Variants in SLC6A8 observed in about 807,000 individuals in gnomAD.
The protein encoded by SLC6A8 is solute carrier family 6 member 8.
SLC6A8 carries 6 observed loss-of-function variants against 48.3 expected under a neutral mutation model. The ratio of observed to expected loss-of-function variants is 0.12; its 90% CI spans 0.07 to 0.25. The LOEUF is 0.25. Among genes scored for constraint, SLC6A8 ranks in the 10% least tolerant of loss-of-function variants. SLC6A8 has a pLI of 1.00. For missense variants in SLC6A8, 260 were observed against 551.5 expected, an observed-to-expected ratio of 0.47 and a Z score of 5.29; for synonymous variants, 245 against 244.0, an observed-to-expected ratio of 1.00 and a Z score of -0.04.
chrX:153,689,068 G>A (rs1557043933), intron 1 of SLC6A8: 1 of 123,259 alleles, frequency 8.1e-6, no homozygotes, highest in Non-Finnish European at 1.7e-5. Flanking sequence ...CGATGCCCGC[G>A]AGGCTGCCCC....
chrX:153,696,299 C>T lies in SLC6A8; in HGVS notation c.*1085C>T. The T allele has an allele frequency of 3.1e-6, 1 of 322,504 alleles. No individual in the cohort carries two copies. The highest frequency in any genetic ancestry group is 9.8e-5 in the East Asian group (1 of 10,197). 26.6% of individuals were successfully genotyped at this position (322,504 alleles called of 1,213,427 possible). Reference sequence around the variant, plus strand: ...GCTAACCTGGCCTGCTCAGGCTTCCCACCCTGTGCGGGGCACACCCCCAGG... The same window carrying T: ...GCTAACCTGGCCTGCTCAGGCTTCCTACCCTGTGCGGGGCACACCCCCAGG... On this transcript the variant is annotated 3_prime_UTR_variant, in exon 13 of 13. Coordinates refer to ENST00000253122, the MANE Select transcript of SLC6A8 (RefSeq NM_005629.4).
Position 153,692,841 on chromosome X carries a change from G to A in SLC6A8, c.778-200G>A, listed in dbSNP as rs1260785108. 6.3e-5 allele frequency: 33 copies of A among 520,783 alleles called. 1 individual carries two copies. Among genetic ancestry groups the A allele is most frequent in the East Asian group, 2.6e-4 (7 of 26,631 alleles). 42.9% of individuals were successfully genotyped at this position (520,783 alleles called of 1,213,427 possible). On this transcript the variant is annotated intron_variant, in intron 4 of 12. Coordinates refer to ENST00000253122, the MANE Select transcript of SLC6A8 (RefSeq NM_005629.4). ...ACGCGTCCCTGCAGACAAACGAGGC[G>A]CCCAGGGAGCTTCCCCACTGCACTT...
In SLC6A8 at chrX:153,694,526, G is replaced by C. The variant is rs781814962; in HGVS notation, c.1496-7G>C. 1 of 1,207,496 alleles carries C rather than the reference G, an allele frequency of 8.3e-7. No individual in the cohort carries two copies. The highest frequency in any genetic ancestry group is 2.3e-4 in the Middle Eastern group (1 of 4,320). The stretch of plus-strand genomic sequence containing the variant: ...CAGCTTGGCCCTCCCGCCTCACCTC[G>C]CCGCAGGAGCTGACCGCTTCATGGA... On this transcript the variant is annotated splice_polypyrimidine_tract_variant and splice_region_variant and intron_variant, in intron 10 of 12. Transcript: ENST00000253122.
intron 10 of SLC6A8, 26 bp downstream of exon 10, chrX:153,694,472 G>A: frequency 1.7e-6 from 2 of 1,193,258 alleles, no homozygotes; most frequent in Admixed American, 2.2e-5. Context: ...GGGCTGGGCT[G>A]GGGGATGGTG....
At chrX:153,690,899 C>CCCG (rs2091452337) in intron 2 of SLC6A8, 1 of 238,456 alleles carries the variant, frequency 4.2e-6, no homozygotes, top group African/African-American at 3.4e-5. Flanking sequence ...GAAACCCCCC[C>CCCG]CCCCCACCAC....
rs1353915101 is a variant in SLC6A8 at position 153,688,123 on chromosome X, G to T, written c.-452G>T. 1.0e-5 allele frequency: 1 copy of T among 97,555 alleles called. No individual in the cohort carries two copies. The highest frequency in any genetic ancestry group is 3.7e-5 in the African/African-American group (1 of 27,081). 8.0% of individuals were successfully genotyped at this position (97,555 alleles called of 1,213,427 possible). On this transcript the variant is annotated 5_prime_UTR_variant, in exon 1 of 13. Transcript: ENST00000253122. The stretch of plus-strand genomic sequence containing the variant: ...AGCCTCCGCGGGCCCCGGCCGGGGC[G>T]GGGGGCGCGGGCCACAGGCCCCTGC...
intron 4 of SLC6A8, 169 bp downstream of exon 4, chrX:153,692,276 C>G: frequency 1.8e-6 from 1 of 548,539 alleles, no homozygotes. Flanking sequence ...CAGGGCCCAG[C>G]AGCCTTTGCT....
rs1557046209 is a variant in SLC6A8, at chrX:153,696,418, G to A, written c.*1204G>A. 7 of 330,303 alleles carry A rather than the reference G, an allele frequency of 2.1e-5. No individual in the cohort carries two copies. In the Admixed American group the frequency reaches 2.2e-4, roughly 10 times the overall value. The allele number at this position is 330,303 out of a possible 1,213,427, so 27.2% of individuals were successfully genotyped here. ...TGTGTAGCAGCTTTAACCCACGTTTGTCTGTCACGTCCAGTCCCGAGACGG... is the reference window on the plus strand; with the variant it reads ...TGTGTAGCAGCTTTAACCCACGTTTATCTGTCACGTCCAGTCCCGAGACGG... On this transcript the variant is annotated 3_prime_UTR_variant, in exon 13 of 13. Transcript: ENST00000253122.
In SLC6A8 at chrX:153,694,733, C is replaced by T. The variant is rs2091478979; in HGVS notation, c.1611C>T (p.Phe537=). ...TPLVCMGIFI[F]NVVYYEPLVY... ...CTGGTCCGTAGGGCATCTTCATCTT[C>T]AACGTTGTGTACTACGAGCCGCTGG... The change falls in exon 12 of 13, where the codon TTC becomes TTT. Residue 537 remains phenylalanine, a synonymous_variant. Transcript: ENST00000253122. 1.7e-6 allele frequency: 2 copies of T among 1,211,131 alleles called. No homozygotes were observed. The highest frequency in any genetic ancestry group is 1.8e-5 in the South Asian group (1 of 57,006).
In SLC6A8 at chrX:153,696,498, G is replaced by T. The variant is rs1463499614; in HGVS notation, c.*1284G>T. On this transcript the variant is annotated 3_prime_UTR_variant, in exon 13 of 13. Transcript: ENST00000253122. ...CACCCAGACAGAGGCTGCAGGGCTG[G>T]GGCTGGGTGAGGGTGGCGGGCCTGC... 1 of 329,929 alleles carries T rather than the reference G, an allele frequency of 3.0e-6. No individual in the cohort carries two copies. The highest frequency in any genetic ancestry group is 5.9e-6 in the Non-Finnish European group (1 of 169,520). The allele number at this position is 329,929 out of a possible 1,213,427, so 27.2% of individuals were successfully genotyped here. A position where few individuals can be genotyped will look rare whatever the true frequency, so the allele number is the denominator to read the frequency against.
rs782174461 is a variant in SLC6A8 at position 153,691,372 on chromosome X, G to A, written c.463G>A (p.Gly155Ser). 3.3e-6 allele frequency: 4 copies of A among 1,209,245 alleles called. No individual in the cohort carries two copies. Among genetic ancestry groups the A allele is most frequent in the Non-Finnish European group, 4.5e-6 (4 of 893,382 alleles). The change falls in exon 3 of 13, where the codon GGC becomes AGC. Residue 155 changes from glycine to serine, a missense_variant. Physicochemically the swap from Gly to Ser is moderately conservative, Grantham distance 56. Coordinates refer to ENST00000253122, the MANE Select transcript of SLC6A8 (RefSeq NM_005629.4). ...NTYYIMVLAW[G>S]FYYLVKSFTT... is the part of the protein sequence containing the mutation. Reference sequence around the variant, plus strand: ...CTACTACATCATGGTGCTGGCCTGGGGCTTCTATTACCTGGTCAAGTCCTT... The same window carrying A: ...CTACTACATCATGGTGCTGGCCTGGAGCTTCTATTACCTGGTCAAGTCCTT...
Position 153,691,494 on chromosome X carries a change from G to A in SLC6A8, c.585G>A (p.Leu195=), listed in dbSNP as rs1557044450. 1 of 1,211,867 alleles carries A rather than the reference G, an allele frequency of 8.3e-7. No homozygotes were observed. Among genetic ancestry groups the A allele is most frequent in the Admixed American group, 2.2e-5 (1 of 46,155 alleles). The change falls in exon 3 of 13, where the codon CTG becomes CTA. Residue 195 remains leucine (L), a synonymous_variant. Coordinates refer to ENST00000253122, the MANE Select transcript of SLC6A8 (RefSeq NM_005629.4). Reference sequence around the variant, plus strand: ...ATGAAGACTGTGCCAATGCCAGCCTGGCCAACCTCACCTGTGACCAGCTTG... The same window carrying A: ...ATGAAGACTGTGCCAATGCCAGCCTAGCCAACCTCACCTGTGACCAGCTTG... ...FRHEDCANAS[L]ANLTCDQLAD... is the part of the protein sequence containing the mutation.
At position 153,696,517 on chromosome X, in the gene SLC6A8, G is replaced by A. The variant is rs1266844072; in HGVS notation, c.*1303G>A. 1 of 327,348 alleles carries A rather than the reference G, an allele frequency of 3.1e-6. No homozygotes were observed. The highest frequency in any genetic ancestry group is 5.9e-6 in the Non-Finnish European group (1 of 168,365). The allele number at this position is 327,348 out of a possible 1,213,427, so 27.0% of individuals were successfully genotyped here. A position where few individuals can be genotyped will look rare whatever the true frequency, so the allele number is the denominator to read the frequency against. ...GGGCTGGGGCTGGGTGAGGGTGGCG[G>A]GCCTGCGGGGACATTCTACTGTGCT... is the stretch of plus-strand genomic sequence containing the variant. On this transcript the variant is annotated 3_prime_UTR_variant, in exon 13 of 13. Transcript: ENST00000253122.
chrX:153,696,376 C>G lies in SLC6A8; in HGVS notation c.*1162C>G, dbSNP rs1557046197. On this transcript the variant is annotated 3_prime_UTR_variant, in exon 13 of 13. Coordinates refer to ENST00000253122, the MANE Select transcript of SLC6A8 (RefSeq NM_005629.4). ...TCCAGGCTTAAGGTGGATGCACTTC[C>G]CGCACCTCCAGTCTTCTGTGTAGCA... The G allele has an allele frequency of 3.0e-6, 1 of 330,105 alleles. No homozygotes were observed. The highest frequency in any genetic ancestry group is 3.1e-5 in the Admixed American group (1 of 32,166). The allele number at this position is 330,105 out of a possible 1,213,427, so 27.2% of individuals were successfully genotyped here. A position where few individuals can be genotyped will look rare whatever the true frequency, so the allele number is the denominator to read the frequency against.
In SLC6A8 at chrX:153,693,280, G is replaced by T. The variant is rs2148362930; in HGVS notation, c.930G>T (p.Gly310=). The T allele has an allele frequency of 8.3e-7, 1 of 1,211,404 alleles. No homozygotes were observed. Among genetic ancestry groups the T allele is most frequent in the Non-Finnish European group, 1.1e-6 (1 of 895,135 alleles). The change falls in exon 6 of 13, where the codon GGG becomes GGT. Residue 310 remains glycine (G), a synonymous_variant. Transcript: ENST00000253122. The part of the protein sequence containing the change: ...LGSPQVWIDA[G]TQIFFSYAIG... ...TTCTCTAGGTGTGGATAGATGCGGG[G>T]ACCCAGATTTTCTTTTCTTACGCCA...
chrX:153,693,481 C>G lies in SLC6A8; in HGVS notation c.1036C>G (p.Leu346Val), dbSNP rs1406686625. 1 of 1,211,264 alleles carries G rather than the reference C, an allele frequency of 8.3e-7. No homozygotes were observed. The highest frequency in any genetic ancestry group is 2.2e-5 in the Admixed American group (1 of 46,051). The change falls in exon 7 of 13, where the codon CTC becomes GTC. Residue 346 changes from leucine (L) to valine (V), a missense_variant. Physicochemically the swap from Leu to Val is conservative, Grantham distance 32. Coordinates refer to ENST00000253122, the MANE Select transcript of SLC6A8 (RefSeq NM_005629.4). The stretch of plus-strand genomic sequence containing the variant: ...CCTCAGGGACGCCATCATCCTGGCT[C>G]TCATCAACAGTGGGACCAGCTTCTT... ...NCYKDAIILALINSGTSFFAG... is the reference protein window; with the variant it reads ...NCYKDAIILAVINSGTSFFAG...
chrX:153,691,687 G>A lies in SLC6A8; in HGVS notation c.644+134G>A, dbSNP rs139885776. The A allele has an allele frequency of 5.2e-3, 4,515 of 860,644 alleles. 9 individuals are homozygous for A. Among genetic ancestry groups the A allele is most frequent in the Middle Eastern group, 0.019 (48 of 2,468 alleles). 70.9% of individuals were successfully genotyped at this position (860,644 alleles called of 1,213,427 possible). The stretch of plus-strand genomic sequence containing the variant: ...TCCATCCTGGACCCTGCCTGCCCTT[G>A]CCTGTCCTCGGAGAGTCCTGGGGCC... On this transcript the variant is annotated intron_variant, in intron 3 of 12. Transcript: ENST00000253122.
At position 153,688,711 on chromosome X, in the gene SLC6A8, G is replaced by A. The variant is rs781975330; in HGVS notation, c.137G>A (p.Arg46His). The A allele has an allele frequency of 2.7e-6, 3 of 1,125,876 alleles. No individual in the cohort carries two copies. The highest frequency in any genetic ancestry group is 3.8e-5 in the East Asian group (1 of 26,419). The allele number at this position is 1,125,876 out of a possible 1,213,427, so 92.8% of individuals were successfully genotyped here. ...GPVGLGTPGG[R>H]LAVPPRETWT... ...GTGGGCCTGGGGACACCCGGCGGCCGCCTGGCCGTGCCGCCGCGCGAGACC... is the reference window on the plus strand; with the variant it reads ...GTGGGCCTGGGGACACCCGGCGGCCACCTGGCCGTGCCGCCGCGCGAGACC... The change falls in exon 1 of 13, where the codon CGC (arginine) becomes CAC (histidine). Residue 46 changes from arginine (R) to histidine (H), a missense_variant. Arg to His is a conservative substitution (Grantham distance 29). Around this residue, in one of 7 missense-constraint regions of SLC6A8, gnomAD observed 50 missense variants for 55.1 expected, o/e 0.91. Coordinates refer to ENST00000253122, the MANE Select transcript of SLC6A8 (RefSeq NM_005629.4).
Position 153,688,035 on chromosome X carries a change from G to GCCGCCGCCGCCGCCA in SLC6A8, c.-522_-508dup, listed in dbSNP as rs1475663560. The GCCGCCGCCGCCGCCA allele has an allele frequency of 4.8e-5, 5 of 104,015 alleles. No individual in the cohort carries two copies. The highest frequency in any genetic ancestry group is 3.1e-4 in the East Asian group (1 of 3,199). 8.6% of individuals were successfully genotyped at this position (104,015 alleles called of 1,213,427 possible). A position where few individuals can be genotyped will look rare whatever the true frequency, so the allele number is the denominator to read the frequency against. ...GGAGAGGGCGAGGCGCGCCCGAGCC[G>GCCGCCGCCGCCGCCA]CCGCCGCCGCCGCCACCGCCGCCGC... On this transcript the variant is annotated 5_prime_UTR_variant, in exon 1 of 13. Coordinates refer to ENST00000253122, the MANE Select transcript of SLC6A8 (RefSeq NM_005629.4).
Sources: allele counts gnomAD v4.1 joint callset, GRCh38; gene constraint gnomAD v4.1.1; regional missense constraint gnomAD v4.1.1; transcripts MANE v1.5; gene names NCBI Gene and HGNC (gene_info 2026-07-23, HGNC 2026-07-21).